Variants in AADACL3 observed in about 807,000 individuals in gnomAD.
The protein encoded by AADACL3 is arylacetamide deacetylase-like 3.
A neutral mutation model predicts 13.6 loss-of-function variants in AADACL3; 13 were observed. The ratio of observed to expected loss-of-function variants is 0.95; its 90% CI spans 0.62 to 1.52. AADACL3 has a LOEUF of 1.52. AADACL3 is among the 40% of genes most tolerant of loss of function. AADACL3 has a pLI of 0.00. For missense variants in AADACL3, 519 were observed against 499.2 expected (o/e 1.04, Z -0.38); for synonymous variants, 195 against 197.0 (o/e 0.99, Z 0.08).
Position 12,719,556 on chromosome 1 carries a change from G to A in AADACL3, c.250G>A (p.Asp84Asn), listed in dbSNP as rs1372212449. The change falls in exon 2 of 4, where the codon GAC becomes AAC. Residue 84 changes from aspartate to asparagine, a missense_variant. Transcript: ENST00000359318. ...GCAAGATCTGCCTCCGCTAAAGTAT[G>A]ACCCCGATGTTGTGGTCACGGATTT... ...FMQDLPPLKY[D>N]PDVVVTDFRF... is the part of the protein sequence containing the mutation. 6.2e-7 allele frequency: 1 copy of A among 1,614,114 alleles called. No homozygotes were observed. The highest frequency in any genetic ancestry group is 1.1e-5 in the South Asian group (1 of 91,074).
chr1:12,727,642 C>A lies in AADACL3; in HGVS notation c.*1646C>A, dbSNP rs1638396608. The A allele has an allele frequency of 6.6e-6, 1 of 152,208 alleles. No individual in the cohort carries two copies. Among genetic ancestry groups the A allele is most frequent in the South Asian group, 2.1e-4 (1 of 4,838 alleles). The allele number at this position is 152,208 out of a possible 1,614,324, so 9.4% of individuals were successfully genotyped here. ...CTTTCAGTTGAATATTTGGGCTGAA[C>A]TATGAGGCAGAGAGGAATCCCATTG... On this transcript the variant is annotated 3_prime_UTR_variant, in exon 4 of 4. Transcript: ENST00000359318.
rs982321392 is a variant in AADACL3, at chr1:12,721,691, C to T, written c.449+745C>T. 4.6e-5 allele frequency among the ~76,000 whole-genome samples: 7 copies of T among 152,340 alleles called. No individual in the cohort carries two copies. The South Asian group carries it at 1.0e-3, about 23-fold the overall frequency. The stretch of plus-strand genomic sequence containing the variant: ...GTACCCCGCACCATCACTCAAACAA[C>T]CCGAAATGCTGCCACGTTCACTTCC... On this transcript the variant is annotated intron_variant, in intron 3 of 3. Transcript: ENST00000359318.
At chr1:12,722,161 T>C (rs1187500009) in intron 3 of AADACL3, among the ~76,000 whole-genome samples, 2 of 151,942 alleles carry the variant, frequency 1.3e-5, no homozygotes, top group African/African-American at 4.8e-5. Flanking sequence ...ACCTTGTCTC[T>C]ACTAAAAATA....
At chr1:12,721,893 C>T (rs915985427) in intron 3 of AADACL3, among the ~76,000 whole-genome samples, 3 of 152,188 alleles carry the variant, frequency 2.0e-5, no homozygotes, top group East Asian at 3.9e-4. Flanking sequence ...CCTGATGCAG[C>T]ATCACACACG....
rs764582309 is a variant in AADACL3 at position 12,716,360 on chromosome 1, T to C, written c.168+16T>C. 1.2e-6 allele frequency: 2 copies of C among 1,614,184 alleles called. No individual in the cohort carries two copies. Among genetic ancestry groups the C allele is most frequent in the African/African-American group, 2.7e-5 (2 of 75,056 alleles). On this transcript the variant is annotated intron_variant, in intron 1 of 3. Coordinates refer to ENST00000359318, the MANE Select transcript of AADACL3 (RefSeq NM_001103170.3). ...GTTGACTTGGGTGAGTTTTGTGCTT[T>C]ATGTGTCCCCTCCAGCTGACCATTA... is the stretch of plus-strand genomic sequence containing the variant.
chr1:12,726,072 ATT>A lies in AADACL3; in HGVS notation c.*78_*79del. On this transcript the variant is annotated 3_prime_UTR_variant, in exon 4 of 4. Coordinates refer to ENST00000359318, the MANE Select transcript of AADACL3 (RefSeq NM_001103170.3). ...CCTCCCACAGGGCTCTCTGTTGCTGATTTAGGTGGTGCATAGTGGGGCTAGGG... is the reference window on the plus strand; with the variant it reads ...CCTCCCACAGGGCTCTCTGTTGCTGATAGGTGGTGCATAGTGGGGCTAGGG... The A allele has an allele frequency of 6.7e-7, 1 of 1,502,926 alleles. No individual in the cohort carries two copies. The highest frequency in any genetic ancestry group is 1.4e-5 in the African/African-American group (1 of 71,784). The allele number at this position is 1,502,926 out of a possible 1,614,324, so 93.1% of individuals were successfully genotyped here. A position where few individuals can be genotyped will look rare whatever the true frequency, so the allele number is the denominator to read the frequency against.
intron 1 of AADACL3, among the ~76,000 whole-genome samples, chr1:12,719,257 G>A (rs938100008): frequency 1.3e-5 from 2 of 152,150 alleles, no homozygotes; most frequent in Non-Finnish European, 2.9e-5. Flanking sequence ...GGGTTGAGAG[G>A]GGCTGGCTGG....
At chr1:12,722,896 A>C (rs1294078389) in intron 3 of AADACL3, among the ~76,000 whole-genome samples, 1 of 152,124 alleles carries the variant, frequency 6.6e-6, no homozygotes, top group Non-Finnish European at 1.5e-5. Flanking sequence ...TGTAACTTGG[A>C]GTGAAACCAA....
intron 2 of AADACL3, among the ~76,000 whole-genome samples, chr1:12,719,893 T>A (rs143933268): frequency 6.6e-6 from 1 of 152,180 alleles, no homozygotes; most frequent in Admixed American, 6.5e-5. Context: ...ATAAATGTAA[T>A]CCTTAGTTAA....
At chr1:12,718,117 G>A (rs1648478749) in intron 1 of AADACL3, among the ~76,000 whole-genome samples, 1 of 152,146 alleles carries the variant, frequency 6.6e-6, no homozygotes, top group Non-Finnish European at 1.5e-5. Flanking sequence ...ATTACTCTAT[G>A]TGCTAGTAAG....
At chr1:12,718,756 C>T (rs1418076545) in intron 1 of AADACL3, among the ~76,000 whole-genome samples, 2 of 152,192 alleles carry the variant, frequency 1.3e-5, no homozygotes, top group African/African-American at 2.4e-5. Context: ...CAGCCTTGGC[C>T]TCCCAAAGTG....
At chr1:12,716,798 T>C (rs893306144) in intron 1 of AADACL3, among the ~76,000 whole-genome samples, 1 of 152,222 alleles carries the variant, frequency 6.6e-6, no homozygotes. Context: ...TGTGAAGATA[T>C]GAATGAATTT....
chr1:12,724,727 C>T (rs560467327), intron 3 of AADACL3, among the ~76,000 whole-genome samples: 1 of 152,328 alleles, frequency 6.6e-6, no homozygotes, highest in East Asian at 1.9e-4. Flanking sequence ...CTCAATGGAT[C>T]GGCCCATCTC....
chr1:12,717,780 G>C (rs1010151600), intron 1 of AADACL3, among the ~76,000 whole-genome samples: 2 of 152,148 alleles, frequency 1.3e-5, no homozygotes, highest in Non-Finnish European at 2.9e-5. Flanking sequence ...TCTCTCCTGG[G>C]GCATCTTGAG....
Position 12,728,021 on chromosome 1 carries a change from C to T in AADACL3, c.*2025C>T, listed in dbSNP as rs948978811. 5 of 152,196 alleles carry T rather than the reference C, an allele frequency of 3.3e-5. No homozygotes were observed. The highest frequency in any genetic ancestry group is 4.4e-5 in the Non-Finnish European group (3 of 68,030). The allele number at this position is 152,196 out of a possible 1,614,324, so 9.4% of individuals were successfully genotyped here. A position where few individuals can be genotyped will look rare whatever the true frequency, so the allele number is the denominator to read the frequency against. On this transcript the variant is annotated 3_prime_UTR_variant, in exon 4 of 4. Transcript: ENST00000359318. The stretch of plus-strand genomic sequence containing the variant: ...AGAGCACCCCTTGTTGGGCGCATGC[C>T]CATGGCAGCTTCCTTCTGCCGATCA...
intron 3 of AADACL3, among the ~76,000 whole-genome samples, chr1:12,723,670 G>A (rs1320250327): frequency 6.6e-6 from 1 of 151,994 alleles, no homozygotes; most frequent in Non-Finnish European, 1.5e-5. Context: ...GTAGAGGCAG[G>A]GTTTCACCTT....
At chr1:12,724,182 A>G (rs1368434833) in intron 3 of AADACL3, among the ~76,000 whole-genome samples, 1 of 152,174 alleles carries the variant, frequency 6.6e-6, no homozygotes, top group African/African-American at 2.4e-5. Context: ...GCTGGATCCT[A>G]TCCCTGCAGC....
chr1:12,722,730 T>C (rs888945413), intron 3 of AADACL3, among the ~76,000 whole-genome samples: 6 of 151,966 alleles, frequency 3.9e-5, no homozygotes, highest in Non-Finnish European at 8.8e-5. Context: ...TAGTGAACTT[T>C]CTCACAAAAC....
In AADACL3 at chr1:12,728,756, G is replaced by A. The variant is rs1228664892; in HGVS notation, c.*2760G>A. The A allele has an allele frequency of 6.6e-6, 1 of 152,248 alleles. No individual in the cohort carries two copies. Among genetic ancestry groups the A allele is most frequent in the South Asian group, 2.1e-4 (1 of 4,828 alleles). The allele number at this position is 152,248 out of a possible 1,614,324, so 9.4% of individuals were successfully genotyped here. On this transcript the variant is annotated 3_prime_UTR_variant, in exon 4 of 4. Coordinates refer to ENST00000359318, the MANE Select transcript of AADACL3 (RefSeq NM_001103170.3). ...TTTCTTAAAATAAAATAAGACAACA[G>A]TGGATTTGCCACATCAATGGACTCT...
Sources: allele counts gnomAD v4.1 joint callset (sites outside exome capture counted in the v4.1 genomes callset), GRCh38; gene constraint gnomAD v4.1.1; transcripts MANE v1.5; gene names NCBI Gene and HGNC (gene_info 2026-07-23, HGNC 2026-07-21).